The following THRB variants were observed in gnomAD, a reference collection of about 807,000 sequenced individuals.
THRB encodes thyroid hormone receptor beta, also known as nuclear receptor subfamily 1 group A member 2.
In THRB, 12 loss-of-function variants were observed where a neutral mutation model predicts 47.8. The ratio of observed to expected loss-of-function variants is 0.25; its 90% CI spans 0.16 to 0.41. The LOEUF (loss-of-function observed/expected upper bound fraction) is 0.41. Among genes scored for constraint, THRB ranks in the 10% least tolerant of loss-of-function variants. The pLI is 1.00. For synonymous variants in THRB, 218 were observed against 212.2 expected (o/e 1.03, Z -0.24); for missense variants, 348 against 589.2 (o/e 0.59, Z 4.24).
At chr3:24,130,260 T>G (rs2033638646) in intron 9 of THRB, among the ~76,000 whole-genome samples, 1 of 152,146 alleles carries the variant, frequency 6.6e-6, no homozygotes, top group South Asian at 2.1e-4. Flanking sequence ...TAGGGAAACT[T>G]GGATAGATAA....
intron 1 of THRB, among the ~76,000 whole-genome samples, chr3:24,350,604 A>G (rs886169059): frequency 6.6e-6 from 1 of 152,148 alleles, no homozygotes; most frequent in African/African-American, 2.4e-5. Flanking sequence ...AACTAAGCAA[A>G]ATTAAACTCT....
At chr3:24,278,299 T>A (rs568679367) in intron 3 of THRB, among the ~76,000 whole-genome samples, 3 of 152,310 alleles carry the variant, frequency 2.0e-5, no homozygotes, top group African/African-American at 7.2e-5. Context: ...AAGTATGCTA[T>A]AAAGAAACTG....
At chr3:24,315,010 A>C (rs2058021245) in intron 2 of THRB, among the ~76,000 whole-genome samples, 2 of 152,188 alleles carry the variant, frequency 1.3e-5, no homozygotes, top group African/African-American at 2.4e-5. Context: ...CCCCGACGGA[A>C]AAGCTTGAAA....
chr3:24,350,126 C>A (rs2063276734), intron 1 of THRB, among the ~76,000 whole-genome samples: 1 of 151,978 alleles, frequency 6.6e-6, no homozygotes, highest in Admixed American at 6.6e-5. Flanking sequence ...AGTGCTCGAC[C>A]TCATTATTTA....
At chr3:24,347,763 A>C (rs775842214) in intron 1 of THRB, among the ~76,000 whole-genome samples, 20 of 152,048 alleles carry the variant, frequency 1.3e-4, no homozygotes, top group Non-Finnish European at 2.2e-4. Context: ...AAAAAACCTT[A>C]CTCAAACAGG....
chr3:24,229,530 C>T (rs550153089), intron 3 of THRB, among the ~76,000 whole-genome samples: 159 of 152,310 alleles, frequency 1.0e-3, no homozygotes, highest in African/African-American at 3.7e-3. Flanking sequence ...CTCATCTGCC[C>T]ATTTATGACT....
At chr3:24,282,833 A>T (rs1287570037) in intron 3 of THRB, among the ~76,000 whole-genome samples, 1 of 150,832 alleles carries the variant, frequency 6.6e-6, no homozygotes, top group Non-Finnish European at 1.5e-5. Context: ...TAGAAAATCT[A>T]GAAGAAATGG....
At chr3:24,328,536 A>T (rs952806258) in intron 2 of THRB, among the ~76,000 whole-genome samples, 1 of 152,054 alleles carries the variant, frequency 6.6e-6, no homozygotes, top group Non-Finnish European at 1.5e-5. Flanking sequence ...ACCTACTTAC[A>T]CCCACTGCTT....
intron 7 of THRB, 113 bp downstream of exon 7, chr3:24,146,562 C>T: frequency 8.8e-7 from 1 of 1,141,454 alleles, no homozygotes; most frequent in South Asian, 1.3e-5. Context: ...TAAGGTATTC[C>T]CTTCTCTGTC....
At chr3:24,254,108 A>T (rs1287700411) in intron 3 of THRB, among the ~76,000 whole-genome samples, 1 of 148,450 alleles carries the variant, frequency 6.7e-6, no homozygotes, top group Non-Finnish European at 1.5e-5. Flanking sequence ...TCACGCCTGT[A>T]ATCCCAGCAC....
At chr3:24,358,025 G>C (rs895500682) in intron 1 of THRB, among the ~76,000 whole-genome samples, 1 of 152,098 alleles carries the variant, frequency 6.6e-6, no homozygotes, top group Admixed American at 6.6e-5. Context: ...CATGGAATTA[G>C]GAACTTCGTT....
Position 24,344,790 on chromosome 3 carries a change from G to A in THRB, c.-260-7419C>T, listed in dbSNP as rs117174979. Among the ~76,000 whole-genome samples, 241 of 151,590 alleles carry A rather than the reference G, an allele frequency of 1.6e-3. 6 individuals are homozygous for A. Among genetic ancestry groups the A allele is most frequent in the Admixed American group, 0.012 (185 of 15,206 alleles). ...ATTCCATTTAACTCTACCCTATTTT[G>A]TTCTATTTTATGTACTATTTCATTT... On this transcript the variant is annotated intron_variant, in intron 1 of 10. Transcript: ENST00000646209.
At chr3:24,311,851 T>C (rs903599637) in intron 2 of THRB, among the ~76,000 whole-genome samples, 1 of 152,214 alleles carries the variant, frequency 6.6e-6, no homozygotes, top group Non-Finnish European at 1.5e-5. Context: ...ACAACACGTA[T>C]GTAATCTCAC....
intron 2 of THRB, among the ~76,000 whole-genome samples, chr3:24,307,284 T>C (rs2057416928): frequency 6.6e-6 from 1 of 151,842 alleles, no homozygotes; most frequent in Non-Finnish European, 1.5e-5. Flanking sequence ...AAGGAACACA[T>C]GCTCTTTGGA....
chr3:24,279,888 A>C (rs1013967584), intron 3 of THRB, among the ~76,000 whole-genome samples: 3 of 152,100 alleles, frequency 2.0e-5, no homozygotes, highest in African/African-American at 7.2e-5. Context: ...ATGGTCCCCA[A>C]AGGTCTAGGG....
intron 3 of THRB, among the ~76,000 whole-genome samples, chr3:24,238,297 T>TA (rs1559699280): frequency 5.4e-4 from 26 of 48,094 alleles, no homozygotes; most frequent in South Asian, 3.5e-3. Flanking sequence ...GGGGGGTGTG[T>TA]GGGGTGTGTG....
Position 24,122,844 on chromosome 3 carries a change from C to T in THRB, c.*40G>A. On this transcript the variant is annotated 3_prime_UTR_variant, in exon 11 of 11. Transcript: ENST00000646209. ...CTAGGCAATGGAATGAAATGACACC[C>T]AGTAGTGCTGTAGGAATTATGAGAA... 1.2e-6 allele frequency: 2 copies of T among 1,613,862 alleles called. No homozygotes were observed. Among genetic ancestry groups the T allele is most frequent in the South Asian group, 1.1e-5 (1 of 91,032 alleles).
At chr3:24,417,503 G>A (rs920950144) in intron 1 of THRB, among the ~76,000 whole-genome samples, 1 of 151,866 alleles carries the variant, frequency 6.6e-6, no homozygotes, top group Non-Finnish European at 1.5e-5. Context: ...CTTTTAGGAC[G>A]ATTGATGTAT....
intron 1 of THRB, among the ~76,000 whole-genome samples, chr3:24,390,170 A>G (rs531821220): frequency 1.3e-5 from 2 of 152,246 alleles, no homozygotes; most frequent in South Asian, 2.1e-4. Context: ...GCAATGATTC[A>G]TTGATCAGCT....
Sources: gnomAD v4.1 joint callset for allele counts (sites outside exome capture counted in the v4.1 genomes callset) on GRCh38, gnomAD v4.1.1 for gene constraint, MANE v1.5 for transcripts, NCBI Gene and HGNC (gene_info 2026-07-23, HGNC 2026-07-21) for gene names.